SLCO1B3: variants seen among roughly 807,000 people sequenced by gnomAD.
SLCO1B3 encodes liver-specific organic anion transporter 2.
SLCO1B3 carries 72 observed loss-of-function variants against 71.8 expected under a neutral mutation model. The ratio of observed to expected loss-of-function variants is 1.00; its 90% CI spans 0.83 to 1.22. SLCO1B3 has a LOEUF of 1.22. Among genes scored for constraint, SLCO1B3 ranks in the 50% most tolerant of loss-of-function variants. The pLI is 0.00. For synonymous variants in SLCO1B3, 298 were observed against 278.4 expected (o/e 1.07, Z -0.70); for missense variants, 911 against 819.7 (o/e 1.11, Z -1.36).
In SLCO1B3 at chr12:20,873,722, G is replaced by A. The variant is rs866281042; in HGVS notation, c.728-1513G>A. ...TATCAACCCATCACCTAGGTATTAA[G>A]TCCCACATGCATTAGCTATTTGTCC... On this transcript the variant is annotated intron_variant, in intron 8 of 15. Transcript: ENST00000381545. Among the ~76,000 whole-genome samples the A allele has an allele frequency of 2.0e-5, 3 of 152,222 alleles. No individual in the cohort carries two copies. The South Asian group carries it at 6.2e-4, about 32-fold the overall frequency.
chr12:20,824,796 C>G (rs1349364802), intron 3 of SLCO1B3, among the ~76,000 whole-genome samples: 2 of 151,998 alleles, frequency 1.3e-5, no homozygotes. Flanking sequence ...CTTCCGGTGA[C>G]CTATTATTAA....
At position 20,833,788 on chromosome 12, in the gene SLCO1B3, A is replaced by G. The variant is rs1176956353; in HGVS notation, c.84+17966A>G. The stretch of plus-strand genomic sequence containing the variant: ...TATGTAGTTTATCATCTATCTCTCT[A>G]TTTCATAAAGTGTGTGTGTATATAT... On this transcript the variant is annotated intron_variant, in intron 3 of 15. Transcript: ENST00000381545. Among the ~76,000 whole-genome samples the G allele has an allele frequency of 4.8e-5, 7 of 147,360 alleles. No homozygotes were observed. In the East Asian group the frequency reaches 8.0e-4, roughly 17 times the overall value.
chr12:20,819,649 T>TA (rs964081235), intron 3 of SLCO1B3, among the ~76,000 whole-genome samples: 2 of 152,054 alleles, frequency 1.3e-5, no homozygotes, highest in African/African-American at 4.8e-5. Flanking sequence ...TTAGGACAGG[T>TA]AAAATGGGGG....
At chr12:20,898,611 A>G in intron 14 of SLCO1B3, 111 bp downstream of exon 14, 1 of 491,498 alleles carries the variant, frequency 2.0e-6, no homozygotes, top group Non-Finnish European at 3.6e-6. Context: ...AAGAATAGGT[A>G]AGAATCATTT....
intron 3 of SLCO1B3, among the ~76,000 whole-genome samples, chr12:20,818,905 G>T (rs574599679): frequency 1.3e-4 from 17 of 128,496 alleles, no homozygotes; most frequent in African/African-American, 4.7e-4. Context: ...ATTGAAGTCC[G>T]GGCCAGGAAC....
intron 9 of SLCO1B3, among the ~76,000 whole-genome samples, chr12:20,877,012 G>A (rs577475058): frequency 4.9e-4 from 75 of 151,968 alleles, no homozygotes; most frequent in Admixed American, 3.8e-3. Context: ...TTGTATTTTT[G>A]TAGAGACGGG....
At chr12:20,855,600 G>C (rs1865118051) in intron 4 of SLCO1B3, among the ~76,000 whole-genome samples, 1 of 151,740 alleles carries the variant, frequency 6.6e-6, no homozygotes, top group Non-Finnish European at 1.5e-5. Context: ...GGACTGCATA[G>C]GAGCAACCTA....
chr12:20,821,894 A>G lies in SLCO1B3; in HGVS notation c.84+6072A>G, dbSNP rs367574094. The stretch of plus-strand genomic sequence containing the variant: ...GGAGTTTTGGGTCCACGGATAAAAC[A>G]TGTCTCCTTTGTCTCTATCCGAAAA... On this transcript the variant is annotated intron_variant, in intron 3 of 15. Transcript: ENST00000381545. 1.1e-3 allele frequency among the ~76,000 whole-genome samples: 163 copies of G among 152,318 alleles called. 4 individuals are homozygous for G. The South Asian group carries it at 0.033, about 31-fold the overall frequency.
intron 8 of SLCO1B3, among the ~76,000 whole-genome samples, chr12:20,874,444 T>A (rs986586835): frequency 8.5e-5 from 13 of 152,196 alleles, no homozygotes; most frequent in African/African-American, 2.9e-4. Flanking sequence ...AATATTACTG[T>A]TGAATCAGTA....
chr12:20,904,365 C>T (rs1866192100), intron 15 of SLCO1B3, among the ~76,000 whole-genome samples: 1 of 152,106 alleles, frequency 6.6e-6, no homozygotes, highest in Admixed American at 6.6e-5. Flanking sequence ...AGTTCAGAAC[C>T]CAACAGGGCA....
intron 3 of SLCO1B3, among the ~76,000 whole-genome samples, chr12:20,820,169 A>G (rs941467991): frequency 1.6e-4 from 25 of 152,162 alleles, no homozygotes; most frequent in African/African-American, 5.1e-4. Context: ...TAGCCTCCAT[A>G]TTGATTAAGA....
chr12:20,895,691 C>T (rs1339661290), intron 13 of SLCO1B3, among the ~76,000 whole-genome samples: 1 of 152,128 alleles, frequency 6.6e-6, no homozygotes, highest in African/African-American at 2.4e-5. Context: ...GGTGGATCTA[C>T]TGACAGCTTC....
chr12:20,888,896 T>G (rs1865846612), intron 13 of SLCO1B3, among the ~76,000 whole-genome samples: 1 of 152,120 alleles, frequency 6.6e-6, no homozygotes, highest in African/African-American at 2.4e-5. Flanking sequence ...GTTTTTATCA[T>G]AAAGCGATGC....
At chr12:20,817,345 T>C (rs1282355418) in intron 3 of SLCO1B3, among the ~76,000 whole-genome samples, 1 of 152,168 alleles carries the variant, frequency 6.6e-6, no homozygotes, top group African/African-American at 2.4e-5. Flanking sequence ...TTGAGGTCTT[T>C]AGATTTAAGT....
chr12:20,839,346 C>A (rs1864748144), intron 3 of SLCO1B3, among the ~76,000 whole-genome samples: 1 of 152,074 alleles, frequency 6.6e-6, no homozygotes. Flanking sequence ...CAAGGCAACT[C>A]TGACGAGAAA....
chr12:20,879,560 G>T lies in SLCO1B3; in HGVS notation c.1260G>T (p.Leu420Phe), dbSNP rs1453520543. ...TTCTTACTTCGATGATATCCTTCTT[G>T]TTTCAACTTCTATATTTCCCTCTAA... is the stretch of plus-strand genomic sequence containing the variant. ...FSFLTSMISF[L>F]FQLLYFPLIC... The change falls in exon 11 of 16, where the codon TTG becomes TTT. Residue 420 changes from leucine (L) to phenylalanine (F), a missense_variant. Leu to Phe is a conservative substitution (Grantham distance 22). Coordinates refer to ENST00000381545, the MANE Select transcript of SLCO1B3 (RefSeq NM_019844.4). 1.9e-6 allele frequency: 3 copies of T among 1,612,814 alleles called. No homozygotes were observed. Among genetic ancestry groups the T allele is most frequent in the Non-Finnish European group, 2.5e-6 (3 of 1,179,372 alleles).
At chr12:20,812,923 T>C (rs1218921409) in intron 1 of SLCO1B3, among the ~76,000 whole-genome samples, 1 of 152,204 alleles carries the variant, frequency 6.6e-6, no homozygotes, top group East Asian at 1.9e-4. Flanking sequence ...ATTTTCCAAC[T>C]TTTAAATTAT....
intron 3 of SLCO1B3, among the ~76,000 whole-genome samples, chr12:20,850,941 T>C (rs567290264): frequency 6.6e-6 from 1 of 152,348 alleles, no homozygotes; most frequent in African/African-American, 2.4e-5. Flanking sequence ...AAGTGTTCCC[T>C]TTTCTTCACA....
intron 15 of SLCO1B3, among the ~76,000 whole-genome samples, chr12:20,906,974 T>C (rs1359247304): frequency 6.6e-6 from 1 of 151,828 alleles, no homozygotes; most frequent in Non-Finnish European, 1.5e-5. Flanking sequence ...AGATATCAAT[T>C]AAATTAATAA....
Sources: allele counts gnomAD v4.1 joint callset (sites outside exome capture counted in the v4.1 genomes callset), GRCh38; gene constraint gnomAD v4.1.1; transcripts MANE v1.5; gene names NCBI Gene and HGNC (gene_info 2026-07-23, HGNC 2026-07-21).